The following LIFR variants were observed in gnomAD, a reference collection of about 807,000 sequenced individuals.
LIFR encodes leukemia inhibitory factor receptor.
A neutral mutation model predicts 122.2 loss-of-function variants in LIFR; 84 were observed. The ratio of observed to expected loss-of-function variants is 0.69; its 90% confidence interval spans 0.58 to 0.82. The LOEUF (loss-of-function observed/expected upper bound fraction) is 0.82, where lower values mean the gene tolerates loss of function less well. Among genes scored for constraint, LIFR ranks in the 40% least tolerant of loss-of-function variants. The probability of loss-of-function intolerance (pLI) is 0.00; values close to 1 mark genes in which losing one functional copy is unlikely to be tolerated. For missense variants in LIFR, 1,294 were observed against 1,311.6 expected, an observed-to-expected ratio of 0.99 and a Z score of 0.21; for synonymous variants, 422 against 434.7, an observed-to-expected ratio of 0.97 and a Z score of 0.36.
At chr5:38,493,059 C>T (rs374113104) in intron 14 of LIFR, among the ~76,000 whole-genome samples, 12 of 152,270 alleles carry the variant, frequency 7.9e-5, no homozygotes, top group Admixed American at 2.6e-4. Context: ...ACCCACACTG[C>T]GCTCAGTCCA....
rs553912841 is a variant in LIFR at position 38,485,978 on chromosome 5, G to A, written c.2338C>T (p.Arg780Cys). The A allele has an allele frequency of 3.7e-5, 59 of 1,610,756 alleles. No individual in the cohort carries two copies. Among genetic ancestry groups the A allele is most frequent in the South Asian group, 8.8e-5 (8 of 90,966 alleles). The change falls in exon 17 of 20, where the codon CGT becomes TGT. Residue 780 changes from arginine to cysteine, a missense_variant and splice_region_variant. By Grantham distance (180) the Arg-to-Cys change is radical. Transcript: ENST00000453190. The stretch of plus-strand genomic sequence containing the variant: ...ATATTCTTAACTTTTATGTCAGAAC[G>A]ACCTATTTTTAAAATGAAGTATGTT... ...TSKMRVLESGRSDIKVKNITD... is the reference protein window; with the variant it reads ...TSKMRVLESGCSDIKVKNITD...
chr5:38,550,858 A>C (rs550122354), intron 1 of LIFR, among the ~76,000 whole-genome samples: 1 of 152,186 alleles, frequency 6.6e-6, no homozygotes, highest in Non-Finnish European at 1.5e-5. Flanking sequence ...TCTGGGTCTA[A>C]GTTTCTTTAT....
upstream of LIFR, among the ~76,000 whole-genome samples, chr5:38,560,127 C>T (rs1748776777): frequency 6.6e-6 from 1 of 151,078 alleles, no homozygotes; most frequent in African/African-American, 2.4e-5. Context: ...GTTTATCAGT[C>T]AGCAGGAGAA....
upstream of LIFR, among the ~76,000 whole-genome samples, chr5:38,596,488 G>A (rs1750101738): frequency 6.6e-6 from 1 of 152,152 alleles, no homozygotes; most frequent in Non-Finnish European, 1.5e-5. Flanking sequence ...TCACTATCTG[G>A]GATGGGGCTT....
At chr5:38,533,074 T>C (rs1212414187) in intron 1 of LIFR, among the ~76,000 whole-genome samples, 2 of 152,194 alleles carry the variant, frequency 1.3e-5, no homozygotes, top group Admixed American at 6.5e-5. Context: ...TTGCCAAATA[T>C]GCTGATTTTT....
At chr5:38,529,986 T>C (rs1395506678) in intron 2 of LIFR, among the ~76,000 whole-genome samples, 2 of 152,196 alleles carry the variant, frequency 1.3e-5, no homozygotes, top group African/African-American at 2.4e-5. Flanking sequence ...ATAAATAAGC[T>C]ATAAAATATC....
chr5:38,510,643 C>A lies in LIFR; in HGVS notation c.812G>T (p.Cys271Phe), dbSNP rs755125851. The change falls in exon 7 of 20, where the codon TGT (cysteine) becomes TTT (phenylalanine). Residue 271 changes from cysteine to phenylalanine, a missense_variant. By Grantham distance (205) the Cys-to-Phe change is radical. Transcript: ENST00000453190. ...ILVGSDITFC[C>F]VSQEKVLSAL... ...TGATAACACTTTTTCTTGACTCACA[C>A]AACAAAATGTTATGTCTGAGCCTAC... The A allele has an allele frequency of 1.9e-6, 3 of 1,613,732 alleles. No individual in the cohort carries two copies. The South Asian group carries it at 3.3e-5, about 18-fold the overall frequency.
chr5:38,495,057 C>T (rs752124285), intron 13 of LIFR, among the ~76,000 whole-genome samples: 1 of 152,158 alleles, frequency 6.6e-6, no homozygotes, highest in African/African-American at 2.4e-5. Context: ...TTTTGCTCAA[C>T]GTGATTAAAA....
chr5:38,536,343 T>TA (rs1262015565), intron 1 of LIFR, among the ~76,000 whole-genome samples: 13 of 150,650 alleles, frequency 8.6e-5, no homozygotes, highest in Non-Finnish European at 1.6e-4. Flanking sequence ...AGTACAACAA[T>TA]AAAAAAACAG....
chr5:38,604,457 A>C (rs941430240), intron 2 of LIFR, among the ~76,000 whole-genome samples: 4 of 152,194 alleles, frequency 2.6e-5, no homozygotes, highest in Non-Finnish European at 5.9e-5. Context: ...CTGTAATCCC[A>C]ACATTTTGGA....
At chr5:38,577,097 A>G (rs1030986476) in intron 1 of LIFR, among the ~76,000 whole-genome samples, 53 of 152,354 alleles carry the variant, frequency 3.5e-4, no homozygotes, top group Admixed American at 2.5e-3. Context: ...ACATTCAAAG[A>G]CACCAGTTAA....
intron 12 of LIFR, among the ~76,000 whole-genome samples, chr5:38,497,941 CTTT>C (rs566460998): frequency 1.3e-5 from 2 of 152,092 alleles, no homozygotes; most frequent in Non-Finnish European, 2.9e-5. Flanking sequence ...TTTTGTGCCA[CTTT>C]TTTTCTTTTT....
intron 1 of LIFR, among the ~76,000 whole-genome samples, chr5:38,543,608 T>C (rs540877585): frequency 7.9e-5 from 12 of 152,330 alleles, no homozygotes; most frequent in Admixed American, 6.5e-4. Context: ...TCAGGAGATA[T>C]CAGACAAGAT....
At chr5:38,545,239 C>A (rs903096806) in intron 1 of LIFR, among the ~76,000 whole-genome samples, 2 of 150,058 alleles carry the variant, frequency 1.3e-5, no homozygotes, top group African/African-American at 4.9e-5. Context: ...CATTGCACTC[C>A]AGCCTGGGTG....
chr5:38,574,161 C>G (rs1198940238), intron 1 of LIFR, among the ~76,000 whole-genome samples: 1 of 151,992 alleles, frequency 6.6e-6, no homozygotes, highest in Non-Finnish European at 1.5e-5. Flanking sequence ...GGTAAGCCAA[C>G]CACTTAAAAG....
At chr5:38,516,068 G>A (rs1056321608) in intron 5 of LIFR, among the ~76,000 whole-genome samples, 2 of 152,102 alleles carry the variant, frequency 1.3e-5, no homozygotes, top group Admixed American at 1.3e-4. Flanking sequence ...CTAAAGAAAT[G>A]TGTTCTTTCT....
At chr5:38,553,632 A>ATAT (rs1748331880) in intron 1 of LIFR, among the ~76,000 whole-genome samples, 1 of 63,946 alleles carries the variant, frequency 1.6e-5, no homozygotes, top group African/African-American at 9.7e-5. Context: ...CTATATATAT[A>ATAT]TATATATATA....
At chr5:38,576,915 C>T (rs1749405382) in intron 1 of LIFR, among the ~76,000 whole-genome samples, 1 of 152,122 alleles carries the variant, frequency 6.6e-6, no homozygotes, top group Admixed American at 6.5e-5. Context: ...AGAAATGGAT[C>T]GGACACAATC....
At chr5:38,556,998 GGCCGCTGCT>G (rs1748615394), upstream of LIFR, 1 of 152,210 alleles carries the variant, frequency 6.6e-6, no homozygotes, top group Non-Finnish European at 1.5e-5. Flanking sequence ...CCCCGAATGC[GGCCGCTGCT>G]GCCGCTGCAA....
Sources: allele counts gnomAD v4.1 joint callset (sites outside exome capture counted in the v4.1 genomes callset), GRCh38; gene constraint gnomAD v4.1.1; transcripts MANE v1.5; gene names NCBI Gene and HGNC (gene_info 2026-07-23, HGNC 2026-07-21).